Variants in ZPLD1 observed in about 807,000 individuals in gnomAD.
ZPLD1 encodes the protein zona pellucida-like domain-containing protein 1.
ZPLD1 carries 34 observed loss-of-function variants against 47.2 expected under a neutral mutation model. The ratio of observed to expected loss-of-function variants is 0.72; its 90% CI spans 0.55 to 0.96. The LOEUF (loss-of-function observed/expected upper bound fraction) is 0.96, where lower values mean the gene tolerates loss of function less well. Among genes scored for constraint, ZPLD1 ranks in the 40% least tolerant of loss-of-function variants. ZPLD1 has a pLI of 0.00. For missense variants in ZPLD1, 512 were observed against 505.8 expected (o/e 1.01, Z -0.12); for synonymous variants, 176 against 186.2 (o/e 0.95, Z 0.45).
intron 7 of ZPLD1, among the ~76,000 whole-genome samples, chr3:102,415,879 T>G (rs1706799476): frequency 6.6e-6 from 1 of 151,894 alleles, no homozygotes; most frequent in Non-Finnish European, 1.5e-5. Context: ...TTAATCTAAA[T>G]TCAACCTTCT....
intron 10 of ZPLD1, among the ~76,000 whole-genome samples, chr3:102,475,577 G>A (rs1707746852): frequency 6.6e-6 from 1 of 152,144 alleles, no homozygotes; most frequent in Non-Finnish European, 1.5e-5. Context: ...TATTTTGGAA[G>A]AATTGATCAT....
At chr3:102,424,705 C>T (rs1006944728) in intron 8 of ZPLD1, among the ~76,000 whole-genome samples, 1 of 152,148 alleles carries the variant, frequency 6.6e-6, no homozygotes, top group Non-Finnish European at 1.5e-5. Flanking sequence ...CTAATATATA[C>T]ACACCTATAA....
chr3:102,436,873 G>A lies in ZPLD1; in HGVS notation c.-109G>A. 4 of 985,272 alleles carry A rather than the reference G, an allele frequency of 4.1e-6. No individual in the cohort carries two copies. Among genetic ancestry groups the A allele is most frequent in the Non-Finnish European group, 4.8e-6 (4 of 829,786 alleles). 61.0% of individuals were successfully genotyped at this position (985,272 alleles called of 1,614,324 possible). A position where few individuals can be genotyped will look rare whatever the true frequency, so the allele number is the denominator to read the frequency against. On this transcript the variant is annotated 5_prime_UTR_variant, in exon 2 of 12. Transcript: ENST00000466937. Reference sequence around the variant, plus strand: ...GTAATTTCTTAGGATACACCTCTGTGTTGGGGACAACAGTGTGGGTCTAGA... The same window carrying A: ...GTAATTTCTTAGGATACACCTCTGTATTGGGGACAACAGTGTGGGTCTAGA...
chr3:102,456,373 T>C lies in ZPLD1; in HGVS notation c.508T>C (p.Ser170Pro), dbSNP rs1431612632. 5.6e-6 allele frequency: 9 copies of C among 1,609,182 alleles called. No individual in the cohort carries two copies. The highest frequency in any genetic ancestry group is 7.6e-6 in the Non-Finnish European group (9 of 1,178,102). The change falls in exon 5 of 12, where the codon TCG becomes CCG. Residue 170 changes from serine to proline, a missense_variant and splice_region_variant. Coordinates refer to ENST00000466937, the MANE Select transcript of ZPLD1 (RefSeq NM_001329788.2). ...CCTGGTTAATAATACCCAGCTTGCT[T>C]CGTAAGTTTGCATTTTATTCCTGCT... is the stretch of plus-strand genomic sequence containing the variant. Reference protein sequence around the residue: ...EYLVNNTQLASSSAAISVREN... With the variant: ...EYLVNNTQLAPSSAAISVREN...
chr3:102,413,040 G>T (rs1393346909), intron 7 of ZPLD1, among the ~76,000 whole-genome samples: 1 of 151,702 alleles, frequency 6.6e-6, no homozygotes, highest in Admixed American at 6.6e-5. Context: ...TGGCTATGCA[G>T]AGCTAGAATA....
chr3:102,458,976 G>C (rs1438917137), intron 6 of ZPLD1, among the ~76,000 whole-genome samples: 1 of 151,356 alleles, frequency 6.6e-6, no homozygotes. Context: ...TGTAGTCCCA[G>C]CTACTCGGGA....
intron 9 of ZPLD1, among the ~76,000 whole-genome samples, chr3:102,469,981 C>T (rs1354045441): frequency 2.0e-5 from 3 of 152,132 alleles, no homozygotes; most frequent in Non-Finnish European, 4.4e-5. Flanking sequence ...GCTATTTCTT[C>T]ATACTCATTG....
Position 102,452,902 on chromosome 3 carries a change from A to T in ZPLD1, c.107-17A>T, listed in dbSNP as rs767459746. 6.2e-7 allele frequency: 1 copy of T among 1,609,156 alleles called. No homozygotes were observed. The highest frequency in any genetic ancestry group is 8.5e-7 in the Non-Finnish European group (1 of 1,176,434). On this transcript the variant is annotated splice_polypyrimidine_tract_variant and intron_variant, in intron 3 of 11. Coordinates refer to ENST00000466937, the MANE Select transcript of ZPLD1 (RefSeq NM_001329788.2). Reference sequence around the variant, plus strand: ...CTTTTCTGACTTATGTTTGTTTTTTATATATTTTTATTTCAGCTGAAAGAG... The same window carrying T: ...CTTTTCTGACTTATGTTTGTTTTTTTTATATTTTTATTTCAGCTGAAAGAG...
rs1469298674 is a variant in ZPLD1 at position 102,412,592 on chromosome 3, A to G, written c.-156-5468A>G. ...TATTCAGTTTACTGTATTGAAATAT[A>G]TAGTGCTGTCACACATAATTTGTAT... On this transcript the variant is annotated intron_variant, in intron 7 of 17. Coordinates refer to the ZPLD1 transcript ENST00000491959. 2.6e-5 allele frequency among the ~76,000 whole-genome samples: 4 copies of G among 151,848 alleles called. No individual in the cohort carries two copies. The South Asian group carries it at 8.3e-4, about 31-fold the overall frequency.
At chr3:102,476,273 T>C (rs1707757049) in intron 10 of ZPLD1, among the ~76,000 whole-genome samples, 1 of 152,188 alleles carries the variant, frequency 6.6e-6, no homozygotes, top group South Asian at 2.1e-4. Context: ...ATTACTCTTA[T>C]TTCAAATATG....
At chr3:102,405,506 A>G (rs78513294) in intron 7 of ZPLD1, among the ~76,000 whole-genome samples, 123 of 152,138 alleles carry the variant, frequency 8.1e-4, no homozygotes, top group Admixed American at 1.6e-3. Flanking sequence ...GTCATGTGGT[A>G]TAAGGAACAA....
At chr3:102,476,866 T>A (rs1229857972) in intron 10 of ZPLD1, 146 bp from the exon 11 acceptor site, 4 of 836,648 alleles carry the variant, frequency 4.8e-6, no homozygotes, top group African/African-American at 1.7e-5. Flanking sequence ...GACTTTCATT[T>A]TTGCCTTACT....
At chr3:102,443,305 T>C (rs893199111) in intron 3 of ZPLD1, among the ~76,000 whole-genome samples, 1 of 152,218 alleles carries the variant, frequency 6.6e-6, no homozygotes, top group East Asian at 1.9e-4. Context: ...ATAAGTTCCA[T>C]GTTTTGAGTA....
intron 8 of ZPLD1, among the ~76,000 whole-genome samples, chr3:102,465,553 A>G (rs1481529972): frequency 1.3e-5 from 2 of 152,174 alleles, no homozygotes; most frequent in African/African-American, 4.8e-5. Context: ...GTGGTTTTTT[A>G]TGCTTGGTAG....
intron 6 of ZPLD1, among the ~76,000 whole-genome samples, chr3:102,461,697 T>C (rs1707508945): frequency 1.3e-5 from 2 of 152,014 alleles, no homozygotes; most frequent in Admixed American, 1.3e-4. Flanking sequence ...GAAATTTGGT[T>C]CTCCTGTAGT....
chr3:102,410,237 T>C (rs561489449), intron 7 of ZPLD1, among the ~76,000 whole-genome samples: 12 of 151,938 alleles, frequency 7.9e-5, no homozygotes, highest in African/African-American at 2.9e-4. Flanking sequence ...ACTAGGAGTT[T>C]ATGGATGCAC....
At chr3:102,439,503 C>G (rs1707142690) in intron 3 of ZPLD1, among the ~76,000 whole-genome samples, 1 of 151,890 alleles carries the variant, frequency 6.6e-6, no homozygotes, top group Non-Finnish European at 1.5e-5. Flanking sequence ...GTGGGAATGA[C>G]CAAAGGAATT....
At chr3:102,435,508 T>C (rs941309281) in intron 1 of ZPLD1, among the ~76,000 whole-genome samples, 2 of 152,214 alleles carry the variant, frequency 1.3e-5, no homozygotes, top group Admixed American at 6.5e-5. Context: ...TTGGATGCCC[T>C]TGTGGAGGGT....
chr3:102,396,510 T>A lies in ZPLD1; in HGVS notation c.-157+4285T>A, dbSNP rs557991263. 2.0e-5 allele frequency among the ~76,000 whole-genome samples: 3 copies of A among 152,276 alleles called. No homozygotes were observed. The South Asian group carries it at 6.2e-4, about 32-fold the overall frequency. Reference sequence around the variant, plus strand: ...GCTGAAAAGATTATTTGGTATTGATTACATAATACATCCTGATTTTTAGCT... The same window carrying A: ...GCTGAAAAGATTATTTGGTATTGATAACATAATACATCCTGATTTTTAGCT... On this transcript the variant is annotated intron_variant, in intron 7 of 17. Transcript: ENST00000491959.
Sources: gnomAD v4.1 joint callset for allele counts (sites outside exome capture counted in the v4.1 genomes callset) on GRCh38, gnomAD v4.1.1 for gene constraint, MANE v1.5 for transcripts, NCBI Gene and HGNC (gene_info 2026-07-23, HGNC 2026-07-21) for gene names.